MTERF4: variants seen among roughly 807,000 people sequenced by gnomAD.
MTERF4 encodes transcription termination factor 4, mitochondrial.
In MTERF4, 17 loss-of-function variants were observed where a neutral mutation model predicts 22.5. The observed-to-expected ratio is 0.75, with a 90% CI of 0.52 to 1.13. The LOEUF (loss-of-function observed/expected upper bound fraction) is 1.13. Ranked by LOEUF, MTERF4 falls within the 50% of genes most tolerant of loss-of-function variation. The probability of loss-of-function intolerance (pLI) is 0.00; values close to 1 mark genes in which losing one functional copy is unlikely to be tolerated. For synonymous variants in MTERF4, 165 were observed against 175.3 expected (o/e 0.94, Z 0.47); for missense variants, 420 against 466.8 (o/e 0.90, Z 0.92).
At chr2:241,064,798 C>A in the MTERF4 span, 2 of 1,383,222 alleles carry the variant, frequency 1.4e-6, no homozygotes, top group Non-Finnish European at 1.9e-6. This position sits in a 1 kb window ranked among gnomAD's most constrained non-coding sequence, Gnocchi z 7.0. Context: ...GGAGCAGGGA[C>A]CCCTGGCCAC....
chr2:241,084,134 A>ATTTTTTTTTT (rs368364855), downstream of MTERF4, among the ~76,000 whole-genome samples: 1 of 123,320 alleles, frequency 8.1e-6, no homozygotes, highest in African/African-American at 3.2e-5. Flanking sequence ...AGCGTCTAGG[A>ATTTTTTTTTT]TTTTTTTTTT....
At chr2:241,050,248 G>T in the MTERF4 span, among the ~76,000 whole-genome samples, 1 of 152,154 alleles carries the variant, frequency 6.6e-6, no homozygotes, top group African/African-American at 2.4e-5. Flanking sequence ...AATTTCCATA[G>T]GATTTTGCTC....
chr2:241,096,347 A>T lies in MTERF4; in HGVS notation c.797T>A (p.Ile266Asn). The change falls in exon 4 of 4, where the codon ATT becomes AAT. Residue 266 changes from isoleucine to asparagine, a missense_variant. Physicochemically the swap from Ile to Asn is moderately radical, Grantham distance 149. Transcript: ENST00000391980. This position sits in a 1 kb window ranked among gnomAD's most constrained non-coding sequence, Gnocchi z 5.1. Reference sequence around the variant, plus strand: ...GTACCGTCCCAGGCGCTCCAGGTAAATGTGTCTCTGCTTAATCTTGGTTAG... The same window carrying T: ...GTACCGTCCCAGGCGCTCCAGGTAATTGTGTCTCTGCTTAATCTTGGTTAG... ...YSLTKIKQRH[I>N]YLERLGRYQT... 6.2e-7 allele frequency: 1 copy of T among 1,614,108 alleles called. No individual in the cohort carries two copies. The highest frequency in any genetic ancestry group is 8.5e-7 in the Non-Finnish European group (1 of 1,180,026).
rs2062813189 is a variant in MTERF4, at chr2:241,073,051, G to A, written n.3111C>T. The A allele has an allele frequency of 4.7e-5, 26 of 552,068 alleles. 1 individual carries two copies. The South Asian group carries it at 6.7e-4, about 14-fold the overall frequency. The allele number at this position is 552,068 out of a possible 1,614,324, so 34.2% of individuals were successfully genotyped here. A position where few individuals can be genotyped will look rare whatever the true frequency, so the allele number is the denominator to read the frequency against. On this transcript the variant is annotated non_coding_transcript_exon_variant, in exon 5 of 5. Coordinates refer to the MTERF4 transcript ENST00000464344. This position sits in a 1 kb window ranked among gnomAD's most constrained non-coding sequence, Gnocchi z 6.6. ...CTCTGAGGGGGCCCTGCAAGGGGAA[G>A]GCCGAGCCCCTCCAGAGGGTCAGCA... is the stretch of plus-strand genomic sequence containing the variant.
At chr2:241,102,033 CAG>C (rs1277953510) in intron 1 of MTERF4, 4 of 592,760 alleles carry the variant, frequency 6.7e-6, no homozygotes, top group Non-Finnish European at 1.1e-5. Flanking sequence ...AGCCTGGAGA[CAG>C]AGCGAGACTT....
chr2:241,057,855 G>A, the MTERF4 span, among the ~76,000 whole-genome samples: 77 of 152,040 alleles, frequency 5.1e-4, no homozygotes, highest in African/African-American at 1.8e-3. Flanking sequence ...AAGATAATAA[G>A]ATAAACCCAG....
downstream of MTERF4, chr2:241,069,069 A>G (rs1158871409): frequency 1.5e-6 from 2 of 1,353,980 alleles, no homozygotes; most frequent in Non-Finnish European, 2.0e-6. The surrounding 1 kb of genome is among the most constrained non-coding windows in gnomAD (Gnocchi z 4.9). Flanking sequence ...GCCGTCTTCT[A>G]GAAGCTCTGG....
the MTERF4 span, chr2:241,052,511 G>C: frequency 4.9e-5 from 72 of 1,462,396 alleles, no homozygotes; most frequent in Non-Finnish European, 6.6e-5. Context: ...TGGGATACCA[G>C]TGCCAGGCAG....
At chr2:241,059,967 AT>A in the MTERF4 span, among the ~76,000 whole-genome samples, 1 of 152,166 alleles carries the variant, frequency 6.6e-6, no homozygotes, top group African/African-American at 2.4e-5. Flanking sequence ...AGATCACATG[AT>A]TGTATGCATA....
intron 4 of MTERF4, among the ~76,000 whole-genome samples, chr2:241,076,906 C>T (rs542431198): frequency 2.2e-4 from 34 of 152,184 alleles, no homozygotes; most frequent in South Asian, 1.7e-3. Flanking sequence ...GGTGAAACCC[C>T]GTCTCTACTA....
chr2:241,048,771 G>A, the MTERF4 span: 1 of 1,602,280 alleles, frequency 6.2e-7, no homozygotes, highest in Non-Finnish European at 8.5e-7. Context: ...AATTTGGTAG[G>A]TGCCCAGGTC....
the MTERF4 span, chr2:241,053,467 C>G: frequency 1.2e-6 from 1 of 850,428 alleles, no homozygotes; most frequent in Non-Finnish European, 1.8e-6. Context: ...CCTCAGTCTC[C>G]TGTCTGTGAA....
downstream of MTERF4, chr2:241,090,233 T>C: frequency 6.7e-7 from 1 of 1,492,824 alleles, no homozygotes; most frequent in South Asian, 1.3e-5. Context: ...TATTTAACTT[T>C]TGTTAAAAAC....
chr2:241,075,948 T>C lies in MTERF4; in HGVS notation n.480-266A>G, dbSNP rs1037339864. Among the ~76,000 whole-genome samples the C allele has an allele frequency of 1.3e-5, 2 of 152,168 alleles. No homozygotes were observed. The highest frequency in any genetic ancestry group is 1.3e-4 in the Admixed American group (2 of 15,280). ...CTCTTCATGCTAAAAAGTCCCTTTT[T>C]CCCCCACTGTCAGTATCAAAATTCC... On this transcript the variant is annotated intron_variant and non_coding_transcript_variant, in intron 4 of 4. Coordinates refer to the MTERF4 transcript ENST00000464344. This position sits in a 1 kb window ranked among gnomAD's most constrained non-coding sequence, Gnocchi z 4.8.
the MTERF4 span, chr2:241,052,175 C>G: frequency 1.2e-6 from 2 of 1,600,984 alleles, no homozygotes; most frequent in South Asian, 2.2e-5. Flanking sequence ...GGGTGGGAGG[C>G]CAGGCCAGGG....
chr2:241,065,019 C>T, the MTERF4 span: 1 of 1,255,820 alleles, frequency 8.0e-7, no homozygotes, highest in African/African-American at 1.5e-5. Context: ...CCTAGAGGGC[C>T]CAACGGTCTC....
At chr2:241,044,433 C>A in the MTERF4 span, among the ~76,000 whole-genome samples, 13 of 152,218 alleles carry the variant, frequency 8.5e-5, no homozygotes, top group Admixed American at 3.9e-4. Context: ...CAATCCTGGA[C>A]AGAATGCATG....
At chr2:241,065,080 C>A in the MTERF4 span, 3 of 853,468 alleles carry the variant, frequency 3.5e-6, no homozygotes, top group Non-Finnish European at 5.3e-6. Context: ...CCCTGAGGAA[C>A]AGGGAGGGGA....
chr2:241,075,656 G>C lies in MTERF4; in HGVS notation n.506C>G, dbSNP rs970626354. The C allele has an allele frequency of 6.6e-6, 1 of 152,002 alleles. No individual in the cohort carries two copies. The highest frequency in any genetic ancestry group is 2.4e-5 in the African/African-American group (1 of 41,384). 9.4% of individuals were successfully genotyped at this position (152,002 alleles called of 1,614,324 possible). A position where few individuals can be genotyped will look rare whatever the true frequency, so the allele number is the denominator to read the frequency against. On this transcript the variant is annotated non_coding_transcript_exon_variant, in exon 5 of 5. Coordinates refer to the MTERF4 transcript ENST00000464344. This position sits in a 1 kb window ranked among gnomAD's most constrained non-coding sequence, Gnocchi z 4.8. ...GGTATCTTCCTCCAGCCTCTGGCTT[G>C]TCCTTCCCTGTTCTTGGTGGTACTT...
Sources: gnomAD v4.1 joint callset for allele counts (sites outside exome capture counted in the v4.1 genomes callset) on GRCh38, gnomAD v4.1.1 for gene constraint, Gnocchi (gnomAD v3.1) non-coding constraint, MANE v1.5 for transcripts, NCBI Gene and HGNC (gene_info 2026-07-23, HGNC 2026-07-21) for gene names.